The following SHTN1 variants were observed in gnomAD, a reference collection of about 807,000 sequenced individuals.
SHTN1 encodes shootin-1.
In SHTN1, 42 loss-of-function variants were observed where a neutral mutation model predicts 83.1. That is an observed-to-expected ratio of 0.51 (90% CI 0.39 to 0.65). The LOEUF (loss-of-function observed/expected upper bound fraction) is 0.65, where lower values mean the gene tolerates loss of function less well. Among genes scored for constraint, SHTN1 ranks in the 30% least tolerant of loss-of-function variants. SHTN1 has a pLI of 0.00. For synonymous variants in SHTN1, 224 were observed against 247.7 expected (o/e 0.90, Z 0.90); for missense variants, 622 against 737.8 (o/e 0.84, Z 1.82).
At position 116,911,990 on chromosome 10, in the gene SHTN1, T is replaced by C. The variant is rs1406709393; in HGVS notation, c.1306-147A>G. Reference sequence around the variant, plus strand: ...TTTAAATTAGGACTATGTCTTAAGGTTAGGAAAAAATACTAGCCATGTTAG... The same window carrying C: ...TTTAAATTAGGACTATGTCTTAAGGCTAGGAAAAAATACTAGCCATGTTAG... On this transcript the variant is annotated intron_variant, in intron 13 of 16. Transcript: ENST00000355371. 4.4e-5 allele frequency: 28 copies of C among 640,238 alleles called. No homozygotes were observed. The East Asian group carries it at 7.7e-4, about 18-fold the overall frequency. The allele number at this position is 640,238 out of a possible 1,614,324, so 39.7% of individuals were successfully genotyped here.
chr10:116,905,102 G>A (rs1847912635), intron 15 of SHTN1, among the ~76,000 whole-genome samples: 1 of 151,426 alleles, frequency 6.6e-6, no homozygotes, highest in Non-Finnish European at 1.5e-5. Context: ...TGGGGAGGCT[G>A]AGGCAGGAGA....
chr10:116,963,587 T>C (rs1293611795), intron 3 of SHTN1, among the ~76,000 whole-genome samples: 1 of 152,168 alleles, frequency 6.6e-6, no homozygotes, highest in Non-Finnish European at 1.5e-5. Context: ...TACTAATCTT[T>C]TAGAAATATA....
At chr10:117,094,965 A>G (rs1265199996) in intron 1 of SHTN1, among the ~76,000 whole-genome samples, 1 of 152,210 alleles carries the variant, frequency 6.6e-6, no homozygotes, top group Non-Finnish European at 1.5e-5. Context: ...GACATCGGAG[A>G]CAATTAGACA....
At chr10:116,980,133 C>T (rs754259696) in intron 1 of SHTN1, among the ~76,000 whole-genome samples, 22 of 151,818 alleles carry the variant, frequency 1.4e-4, no homozygotes, top group Admixed American at 1.1e-3. Flanking sequence ...TTTTAGGTAT[C>T]CCTACAGTTG....
At chr10:116,925,608 C>A (rs924719806) in intron 11 of SHTN1, among the ~76,000 whole-genome samples, 2 of 152,168 alleles carry the variant, frequency 1.3e-5, no homozygotes, top group African/African-American at 2.4e-5. Context: ...CTGCCTATAT[C>A]TGTATCTATA....
At chr10:117,016,795 A>G (rs12769006) in intron 2 of SHTN1, among the ~76,000 whole-genome samples, 86,622 of 152,134 alleles carry the variant, frequency 0.57, 28,804 homozygotes, top group Middle Eastern at 0.75. Context: ...AATGAACCCT[A>G]TGGTGCTAGA....
chr10:117,040,996 G>A (rs1026235405), intron 2 of SHTN1, among the ~76,000 whole-genome samples: 17 of 151,278 alleles, frequency 1.1e-4, no homozygotes, highest in African/African-American at 3.6e-4. Context: ...TATGCACAAC[G>A]TGCAGGTTAG....
chr10:116,953,993 A>G, intron 5 of SHTN1, 49 bp downstream of exon 5: 1 of 1,484,260 alleles, frequency 6.7e-7, no homozygotes, highest in Non-Finnish European at 9.2e-7. Context: ...CAGAAGCACT[A>G]TCATAACGGG....
intron 2 of SHTN1, among the ~76,000 whole-genome samples, chr10:117,024,357 T>C (rs977774940): frequency 6.9e-4 from 99 of 142,650 alleles, no homozygotes; most frequent in African/African-American, 2.5e-3. Flanking sequence ...TCTTTTTTTT[T>C]TTTTTTTTTT....
intron 3 of SHTN1, among the ~76,000 whole-genome samples, chr10:116,962,013 T>C (rs903474970): frequency 3.9e-5 from 6 of 151,976 alleles, no homozygotes; most frequent in Admixed American, 1.3e-4. Flanking sequence ...CTGGCTCCAA[T>C]TGAAAAGAAA....
chr10:116,939,955 T>C (rs1185635273), intron 9 of SHTN1, among the ~76,000 whole-genome samples: 5 of 152,202 alleles, frequency 3.3e-5, no homozygotes, highest in African/African-American at 9.7e-5. Context: ...ACTCATCAAA[T>C]TGAAATAATC....
chr10:117,011,582 A>G (rs148866678), intron 2 of SHTN1, among the ~76,000 whole-genome samples: 1 of 152,232 alleles, frequency 6.6e-6, no homozygotes, highest in African/African-American at 2.4e-5. Context: ...ACAGGATACA[A>G]GGTCAATAAG....
At chr10:117,060,867 A>G (rs1852889484) in intron 1 of SHTN1, among the ~76,000 whole-genome samples, 2 of 152,234 alleles carry the variant, frequency 1.3e-5, no homozygotes, top group African/African-American at 4.8e-5. Context: ...TCTTAGGAAG[A>G]GTAGCAACTC....
At chr10:116,933,473 C>T (rs1287958106) in intron 9 of SHTN1, among the ~76,000 whole-genome samples, 1 of 152,100 alleles carries the variant, frequency 6.6e-6, no homozygotes, top group African/African-American at 2.4e-5. Flanking sequence ...CAGCTTCATC[C>T]GTGTCCCTGC....
chr10:116,935,780 G>T (rs1003824327), intron 9 of SHTN1, among the ~76,000 whole-genome samples: 3 of 152,038 alleles, frequency 2.0e-5, no homozygotes, highest in African/African-American at 7.3e-5. Flanking sequence ...AATCAGCTGT[G>T]AATCCATCTG....
chr10:117,114,514 G>A (rs531159738), intron 1 of SHTN1, among the ~76,000 whole-genome samples: 16 of 152,240 alleles, frequency 1.1e-4, no homozygotes, highest in Admixed American at 4.6e-4. Flanking sequence ...CTCTCTGCTG[G>A]TGTAGAAAGC....
chr10:117,116,460 C>T (rs1443810709), intron 1 of SHTN1, among the ~76,000 whole-genome samples: 1 of 152,108 alleles, frequency 6.6e-6, no homozygotes, highest in African/African-American at 2.4e-5. Flanking sequence ...AACCTGATGA[C>T]TTCACTGCTG....
chr10:116,999,250 G>A (rs1466489904), intron 1 of SHTN1, among the ~76,000 whole-genome samples: 8 of 152,104 alleles, frequency 5.3e-5, no homozygotes, highest in South Asian at 4.1e-4. Flanking sequence ...TAATGACAAC[G>A]CTACATGTAC....
intron 2 of SHTN1, among the ~76,000 whole-genome samples, chr10:117,031,963 A>G (rs954929477): frequency 2.0e-5 from 3 of 152,220 alleles, no homozygotes; most frequent in Admixed American, 6.5e-5. Context: ...AGAGTGGCTA[A>G]ATGGATAAGA....
Sources: gnomAD v4.1 joint callset for allele counts (sites outside exome capture counted in the v4.1 genomes callset) on GRCh38, gnomAD v4.1.1 for gene constraint, MANE v1.5 for transcripts, NCBI Gene and HGNC (gene_info 2026-07-23, HGNC 2026-07-21) for gene names.